PLXNA4: variants seen among roughly 807,000 people sequenced by gnomAD.
The protein encoded by PLXNA4 is plexin-A4.
A neutral mutation model predicts 191.8 loss-of-function variants in PLXNA4; 44 were observed. That is an observed-to-expected ratio of 0.23 (90% CI 0.18 to 0.29). The LOEUF is 0.29. Among genes scored for constraint, PLXNA4 ranks in the 10% least tolerant of loss-of-function variants. The probability of loss-of-function intolerance (pLI) is 1.00; values close to 1 mark genes in which losing one functional copy is unlikely to be tolerated. For missense variants in PLXNA4, 1,800 were observed against 2,488.8 expected (o/e 0.72, Z 5.89); for synonymous variants, 1,082 against 1,009.5 (o/e 1.07, Z -1.36).
At chr7:132,460,013 C>G (rs183443665) in intron 3 of PLXNA4, among the ~76,000 whole-genome samples, 2 of 151,740 alleles carry the variant, frequency 1.3e-5, no homozygotes, top group African/African-American at 4.8e-5. Context: ...CGATGGCAAC[C>G]GATAGCAAGA....
At chr7:132,282,426 A>G (rs1223898850) in intron 4 of PLXNA4, among the ~76,000 whole-genome samples, 1 of 151,828 alleles carries the variant, frequency 6.6e-6, no homozygotes, top group African/African-American at 2.4e-5. Flanking sequence ...TACAAAAATT[A>G]ATTGGGCATG....
In PLXNA4 at chr7:132,245,192, G is replaced by T. The variant is rs544808018; in HGVS notation, c.1504-4026C>A. On this transcript the variant is annotated intron_variant, in intron 4 of 31. Coordinates refer to ENST00000321063, the MANE Select transcript of PLXNA4 (RefSeq NM_020911.2). ...CAGACCACAGGAAGAGGTGAAAAAA[G>T]AAAGTAAGAGGGGCGGGGGAGGGAC... Among the ~76,000 whole-genome samples the T allele has an allele frequency of 1.6e-4, 25 of 151,594 alleles. No homozygotes were observed. In the South Asian group the frequency reaches 1.7e-3, roughly 10 times the overall value.
chr7:132,423,995 C>G (rs752697401), intron 3 of PLXNA4, among the ~76,000 whole-genome samples: 1 of 152,188 alleles, frequency 6.6e-6, no homozygotes, highest in Non-Finnish European at 1.5e-5. Flanking sequence ...GCCCTCCCCT[C>G]TGGATCAGCT....
At chr7:132,365,118 C>T (rs1426403320) in intron 3 of PLXNA4, among the ~76,000 whole-genome samples, 1 of 152,092 alleles carries the variant, frequency 6.6e-6, no homozygotes. Context: ...AATGGCTTCT[C>T]ACCAAATTTG....
At chr7:132,247,775 T>C (rs967919380) in intron 4 of PLXNA4, among the ~76,000 whole-genome samples, 2 of 152,130 alleles carry the variant, frequency 1.3e-5, no homozygotes, top group Non-Finnish European at 2.9e-5. Flanking sequence ...GGGCTGCAAT[T>C]TGTGGTTGAG....
At chr7:132,179,026 G>A (rs1371010867) in intron 20 of PLXNA4, among the ~76,000 whole-genome samples, 15 of 42,786 alleles carry the variant, frequency 3.5e-4, no homozygotes, top group South Asian at 1.5e-3. Context: ...ATATACAGGC[G>A]CGCGCGCACA....
rs138987399 is a variant in PLXNA4 at position 132,331,887 on chromosome 7, T to C, written c.1372-33665A>G. ...CCACTGCTGTGGCTAGAGACATTAATGCATCTGTGAGAAAGTGGAAGGGGC... is the reference window on the plus strand; with the variant it reads ...CCACTGCTGTGGCTAGAGACATTAACGCATCTGTGAGAAAGTGGAAGGGGC... On this transcript the variant is annotated intron_variant, in intron 3 of 31. Coordinates refer to ENST00000321063, the MANE Select transcript of PLXNA4 (RefSeq NM_020911.2). Among the ~76,000 whole-genome samples the C allele has an allele frequency of 1.3e-4, 20 of 152,234 alleles. No homozygotes were observed. The East Asian group carries it at 3.5e-3, about 27-fold the overall frequency.
At chr7:132,566,826 G>A (rs532595175) in intron 1 of PLXNA4, among the ~76,000 whole-genome samples, 35 of 152,276 alleles carry the variant, frequency 2.3e-4, no homozygotes, top group South Asian at 1.0e-3. Context: ...GTGAGAATTC[G>A]CAGTCATTTC....
At chr7:132,472,571 C>A (rs951944865) in intron 3 of PLXNA4, among the ~76,000 whole-genome samples, 3 of 152,186 alleles carry the variant, frequency 2.0e-5, no homozygotes, top group Non-Finnish European at 4.4e-5. Flanking sequence ...GGACACACCC[C>A]CAGCCGACCG....
At chr7:132,138,610 G>T (rs932970768) in intron 30 of PLXNA4, among the ~76,000 whole-genome samples, 1 of 152,194 alleles carries the variant, frequency 6.6e-6, no homozygotes, top group African/African-American at 2.4e-5. Context: ...AAGGAGAAAA[G>T]ATTTGGGGCT....
At chr7:132,439,309 T>A (rs1361163801) in intron 3 of PLXNA4, among the ~76,000 whole-genome samples, 1 of 152,130 alleles carries the variant, frequency 6.6e-6, no homozygotes, top group Admixed American at 6.5e-5. Flanking sequence ...CTCTGAAAAT[T>A]CTCCAGGCTA....
chr7:132,213,246 G>A (rs886869831), intron 9 of PLXNA4, among the ~76,000 whole-genome samples: 1 of 152,236 alleles, frequency 6.6e-6, no homozygotes, highest in East Asian at 1.9e-4. Context: ...AGGGGAGGCA[G>A]GATGGGTAGT....
chr7:132,272,794 C>T (rs927170721), intron 4 of PLXNA4, among the ~76,000 whole-genome samples: 1 of 152,240 alleles, frequency 6.6e-6, no homozygotes, highest in South Asian at 2.1e-4. Flanking sequence ...TGTCCATTTT[C>T]TCTCTGGTTT....
chr7:132,389,666 T>C (rs190346419), intron 3 of PLXNA4, among the ~76,000 whole-genome samples: 20 of 152,380 alleles, frequency 1.3e-4, no homozygotes, highest in African/African-American at 4.3e-4. Flanking sequence ...TTTTTGTTAC[T>C]ATAGCCTTGT....
chr7:132,587,721 G>A (rs748547925), intron 2 of PLXNA4, among the ~76,000 whole-genome samples: 1 of 151,902 alleles, frequency 6.6e-6, no homozygotes, highest in Non-Finnish European at 1.5e-5. Flanking sequence ...TAAGGCCAAG[G>A]GTGGGACGAA....
At chr7:132,239,726 C>A (rs1046224617) in intron 5 of PLXNA4, among the ~76,000 whole-genome samples, 1 of 152,214 alleles carries the variant, frequency 6.6e-6, no homozygotes, top group Non-Finnish European at 1.5e-5. Flanking sequence ...CACTCCTAGG[C>A]TCCCCTGCTC....
At chr7:132,173,279 A>C (rs1489681949) in intron 21 of PLXNA4, among the ~76,000 whole-genome samples, 4 of 152,206 alleles carry the variant, frequency 2.6e-5, no homozygotes, top group Admixed American at 6.5e-5. Context: ...CTGGGGGAGG[A>C]GCAAAGACCA....
chr7:132,393,913 A>G (rs936186912), intron 3 of PLXNA4, among the ~76,000 whole-genome samples: 5 of 152,022 alleles, frequency 3.3e-5, no homozygotes, highest in Non-Finnish European at 7.4e-5. Flanking sequence ...CTGCCAACTT[A>G]CGACAAGACT....
At chr7:132,153,964 G>A (rs781570952) in intron 25 of PLXNA4, among the ~76,000 whole-genome samples, 22 of 152,198 alleles carry the variant, frequency 1.4e-4, no homozygotes, top group Non-Finnish European at 2.1e-4. Context: ...AAGGGCTGCT[G>A]AAGAAAGGAA....
Sources: allele counts gnomAD v4.1 joint callset (sites outside exome capture counted in the v4.1 genomes callset), GRCh38; gene constraint gnomAD v4.1.1; transcripts MANE v1.5; gene names NCBI Gene and HGNC (gene_info 2026-07-23, HGNC 2026-07-21).